RANBP2: variants seen among roughly 807,000 people sequenced by gnomAD.
The protein encoded by RANBP2 is RAN binding protein 2.
Under a neutral mutation model 303.6 loss-of-function variants are expected in RANBP2, and 57 were observed. That is an observed-to-expected ratio of 0.19 (90% confidence interval 0.15 to 0.23). The LOEUF (loss-of-function observed/expected upper bound fraction) is 0.23, where lower values mean the gene tolerates loss of function less well. Ranked by LOEUF, RANBP2 falls within the 10% of genes least tolerant of loss-of-function variation. The pLI, the probability that RANBP2 is intolerant of heterozygous loss-of-function variation, is 1.00. For missense variants in RANBP2, 3,138 were observed against 3,780.8 expected, an observed-to-expected ratio of 0.83 and a Z score of 4.46; for synonymous variants, 1,167 against 1,301.5, an observed-to-expected ratio of 0.90 and a Z score of 2.23.
chr2:108,930,259 G>T, the RANBP2 span: 2 of 1,614,050 alleles, frequency 1.2e-6, no homozygotes, highest in Non-Finnish European at 1.7e-6. Context: ...ACAAAGGGGG[G>T]TGTTGTGGCC....
At chr2:109,269,888 C>T in the RANBP2 span, among the ~76,000 whole-genome samples, 1 of 152,326 alleles carries the variant, frequency 6.6e-6, no homozygotes, top group African/African-American at 2.4e-5. Flanking sequence ...ATCCTCAGTC[C>T]CAGTGTCCCC....
chr2:109,410,831 G>C, the RANBP2 span, among the ~76,000 whole-genome samples: 2 of 143,802 alleles, frequency 1.4e-5, no homozygotes, highest in African/African-American at 2.6e-5. Flanking sequence ...GCTGCACTTG[G>C]CTTTGAAGTC....
chr2:109,487,271 A>G, the RANBP2 span, among the ~76,000 whole-genome samples: 1 of 152,166 alleles, frequency 6.6e-6, no homozygotes, highest in Admixed American at 6.5e-5. Context: ...AAATCAGTCT[A>G]TGAGCCTCTC....
chr2:109,553,233 T>G, the RANBP2 span: 1 of 1,612,754 alleles, frequency 6.2e-7, no homozygotes, highest in Non-Finnish European at 8.5e-7. Context: ...AAAAGTTATT[T>G]GTGTTACTCT....
the RANBP2 span, chr2:108,929,270 C>A: frequency 6.2e-7 from 1 of 1,614,174 alleles, no homozygotes; most frequent in African/African-American, 1.3e-5. Context: ...CCGGAAGAAG[C>A]CCTCACAGTC....
the RANBP2 span, among the ~76,000 whole-genome samples, chr2:109,317,775 G>A: frequency 6.6e-6 from 1 of 152,204 alleles, no homozygotes; most frequent in African/African-American, 2.4e-5. Flanking sequence ...GAGTGCCTTT[G>A]TAGTGTCCTG....
the RANBP2 span, among the ~76,000 whole-genome samples, chr2:109,677,023 TAAC>T: frequency 6.6e-6 from 1 of 152,144 alleles, no homozygotes; most frequent in African/African-American, 2.4e-5. Flanking sequence ...CCTCACTAAA[TAAC>T]AACTTCTCCA....
chr2:109,563,631 G>A, the RANBP2 span, among the ~76,000 whole-genome samples: 1 of 152,156 alleles, frequency 6.6e-6, no homozygotes, highest in Non-Finnish European at 1.5e-5. Flanking sequence ...AACTTTTAAT[G>A]CTTTATATTA....
the RANBP2 span, among the ~76,000 whole-genome samples, chr2:109,549,607 T>C: frequency 6.6e-6 from 1 of 152,304 alleles, no homozygotes; most frequent in East Asian, 1.9e-4. Context: ...GTGCTATCAA[T>C]AGTCACCAAT....
chr2:109,604,472 A>G, the RANBP2 span, among the ~76,000 whole-genome samples: 1 of 150,512 alleles, frequency 6.6e-6, no homozygotes, highest in Non-Finnish European at 1.5e-5. Context: ...GAGGCCTGTA[A>G]TCCTAGCACT....
the RANBP2 span, among the ~76,000 whole-genome samples, chr2:108,918,860 ATC>A: frequency 6.6e-6 from 1 of 152,154 alleles, no homozygotes; most frequent in South Asian, 2.1e-4. Flanking sequence ...TTTAGGAATG[ATC>A]TGTTTGTTGA....
chr2:109,125,789 A>T, the RANBP2 span, among the ~76,000 whole-genome samples: 2 of 152,260 alleles, frequency 1.3e-5, no homozygotes, highest in Non-Finnish European at 1.5e-5. Flanking sequence ...AATTTAACCG[A>T]GTAACATAAG....
chr2:109,691,004 A>G, the RANBP2 span, among the ~76,000 whole-genome samples: 1 of 152,102 alleles, frequency 6.6e-6, no homozygotes, highest in African/African-American at 2.4e-5. Flanking sequence ...AGGTTTGACA[A>G]TGTTCAACCA....
chr2:109,737,030 C>T, the RANBP2 span: 1 of 387,286 alleles, frequency 2.6e-6, no homozygotes, highest in East Asian at 6.5e-5. Context: ...ACTATGATTT[C>T]CAATTTTCTC....
chr2:109,504,356 C>G, the RANBP2 span: 1 of 152,224 alleles, frequency 6.6e-6, no homozygotes, highest in Non-Finnish European at 1.5e-5. Context: ...CTGCAGGCCA[C>G]CAGGGGCCTC....
At chr2:108,856,749 C>T in the RANBP2 span, 2 of 1,580,292 alleles carry the variant, frequency 1.3e-6, no homozygotes, top group South Asian at 1.2e-5. Flanking sequence ...TGATTGACAC[C>T]TAGACTAGCA....
chr2:108,784,418 T>G lies in RANBP2; in HGVS notation c.*517T>G, dbSNP rs560510328. On this transcript the variant is annotated 3_prime_UTR_variant, in exon 29 of 29. Coordinates refer to ENST00000283195, the MANE Select transcript of RANBP2 (RefSeq NM_006267.5). ...CGTATAGAGTTAACCAAAGTGCTCT[T>G]CTCTAGAATCTTTACACCTCCTGTG... 2.6e-5 allele frequency: 4 copies of G among 153,844 alleles called. No homozygotes were observed. The highest frequency in any genetic ancestry group is 9.6e-5 in the African/African-American group (4 of 41,592). 9.5% of individuals were successfully genotyped at this position (153,844 alleles called of 1,614,324 possible).
At chr2:108,864,979 A>G in the RANBP2 span, among the ~76,000 whole-genome samples, 1 of 151,986 alleles carries the variant, frequency 6.6e-6, no homozygotes, top group African/African-American at 2.4e-5. Context: ...ATAAATAGTA[A>G]CACATTCACA....
chr2:109,599,768 T>G, the RANBP2 span, among the ~76,000 whole-genome samples: 2 of 152,158 alleles, frequency 1.3e-5, no homozygotes, highest in African/African-American at 4.8e-5. Flanking sequence ...TAACAAAAGC[T>G]TGCACCATAA....
Sources: allele counts gnomAD v4.1 joint callset (sites outside exome capture counted in the v4.1 genomes callset), GRCh38; gene constraint gnomAD v4.1.1; transcripts MANE v1.5; gene names NCBI Gene and HGNC (gene_info 2026-07-23, HGNC 2026-07-21).